Variants in KIF6 observed in about 807,000 individuals in gnomAD.
The protein encoded by KIF6 is kinesin-like protein KIF6.
Under a neutral mutation model 112.7 loss-of-function variants are expected in KIF6, and 106 were observed. The ratio of observed to expected loss-of-function variants is 0.94; its 90% CI spans 0.80 to 1.11. The LOEUF is 1.11. Among genes scored for constraint, KIF6 ranks in the 50% least tolerant of loss-of-function variants. The pLI is 0.00. For synonymous variants in KIF6, 339 were observed against 339.9 expected, an observed-to-expected ratio of 1.00 and a Z score of 0.03; for missense variants, 929 against 964.0, an observed-to-expected ratio of 0.96 and a Z score of 0.48.
chr6:39,634,729 C>G (rs62403326), intron 5 of KIF6, 120 bp downstream of exon 5: 1 of 711,418 alleles, frequency 1.4e-6, no homozygotes, highest in African/African-American at 1.8e-5. Flanking sequence ...CAAAAAGATA[C>G]GGTTATCCAG....
At chr6:39,478,074 G>A (rs1474915631) in intron 13 of KIF6, among the ~76,000 whole-genome samples, 4 of 151,810 alleles carry the variant, frequency 2.6e-5, no homozygotes, top group Admixed American at 6.6e-5. Flanking sequence ...GGTTTTTGGG[G>A]AACAGGTGGT....
chr6:39,616,456 G>A (rs1362171788), intron 5 of KIF6, among the ~76,000 whole-genome samples: 2 of 152,186 alleles, frequency 1.3e-5, no homozygotes, highest in Non-Finnish European at 2.9e-5. Flanking sequence ...TACAAAGGCA[G>A]GTTAGAGTTT....
chr6:39,390,859 G>A (rs115391698), intron 15 of KIF6, among the ~76,000 whole-genome samples: 7,274 of 152,210 alleles, frequency 0.048, 234 homozygotes, highest in Non-Finnish European at 0.075. Flanking sequence ...CTAACATGGA[G>A]GATCATGATA....
chr6:39,690,167 T>C (rs2113799914), intron 3 of KIF6: 1 of 152,328 alleles, frequency 6.6e-6, no homozygotes, highest in African/African-American at 2.4e-5. Flanking sequence ...TGATATAAAC[T>C]AAAATAATGC....
At chr6:39,449,335 A>G (rs561598164) in intron 13 of KIF6, among the ~76,000 whole-genome samples, 2 of 152,204 alleles carry the variant, frequency 1.3e-5, no homozygotes, top group East Asian at 3.9e-4. Context: ...CCCTGGCTAC[A>G]TCCCTCCCTC....
intron 19 of KIF6, chr6:39,353,888 C>A: frequency 1.8e-6 from 1 of 567,088 alleles, no homozygotes; most frequent in East Asian, 6.2e-5. Context: ...GTGCCAGTTC[C>A]TACTGCTAAG....
chr6:39,490,040 T>A (rs1295129920), intron 13 of KIF6, among the ~76,000 whole-genome samples: 1 of 152,226 alleles, frequency 6.6e-6, no homozygotes, highest in Admixed American at 6.5e-5. Flanking sequence ...ATTTGGCCTG[T>A]AGTATCTTTC....
At chr6:39,383,803 TTTGTTTGTG>T (rs2150311071) in intron 16 of KIF6, among the ~76,000 whole-genome samples, 1 of 152,264 alleles carries the variant, frequency 6.6e-6, no homozygotes, top group East Asian at 1.9e-4. Context: ...TGCTTTTCCA[TTTGTTTGTG>T]TTGTCTATGA....
intron 10 of KIF6, among the ~76,000 whole-genome samples, chr6:39,568,021 AG>A (rs1411573631): frequency 6.6e-6 from 1 of 152,220 alleles, no homozygotes; most frequent in Non-Finnish European, 1.5e-5. Context: ...CCTGAGCGCC[AG>A]GCAGAGTATT....
chr6:39,657,725 T>C (rs1785886576), intron 3 of KIF6, among the ~76,000 whole-genome samples: 1 of 152,164 alleles, frequency 6.6e-6, no homozygotes, highest in Non-Finnish European at 1.5e-5. Context: ...AGGAATTTGG[T>C]GGAAATAAGT....
intron 5 of KIF6, among the ~76,000 whole-genome samples, chr6:39,616,396 G>A (rs1486280930): frequency 6.6e-6 from 1 of 152,148 alleles, no homozygotes; most frequent in African/African-American, 2.4e-5. Flanking sequence ...AATATCATGT[G>A]TTCCTCACTT....
intron 13 of KIF6, among the ~76,000 whole-genome samples, chr6:39,441,104 G>T (rs758672491): frequency 5.3e-5 from 8 of 152,162 alleles, no homozygotes; most frequent in Non-Finnish European, 1.2e-4. Context: ...TTTGAAAGGT[G>T]CATGAAAGAC....
At chr6:39,546,601 G>A (rs529796255) in intron 10 of KIF6, among the ~76,000 whole-genome samples, 5 of 152,246 alleles carry the variant, frequency 3.3e-5, no homozygotes, top group East Asian at 3.9e-4. Context: ...CCAGGTGGGC[G>A]GATCACTTGA....
chr6:39,475,114 G>A (rs1242264226), intron 13 of KIF6, among the ~76,000 whole-genome samples: 2 of 152,206 alleles, frequency 1.3e-5, no homozygotes, highest in Admixed American at 6.5e-5. Context: ...CTGAGTCAAA[G>A]TCTTGGCTCC....
At chr6:39,652,388 G>A (rs148229913) in intron 3 of KIF6, among the ~76,000 whole-genome samples, 3 of 152,122 alleles carry the variant, frequency 2.0e-5, no homozygotes, top group African/African-American at 7.2e-5. Context: ...TTAGCCGGGC[G>A]TGGTGGCGTA....
At chr6:39,460,536 T>TAAAAAAAAAAAAAAAAAAA (rs759528125) in intron 13 of KIF6, among the ~76,000 whole-genome samples, 18 of 57,060 alleles carry the variant, frequency 3.2e-4, no homozygotes, top group Non-Finnish European at 3.8e-4. Flanking sequence ...AAAAAAAAAG[T>TAAAAAAAAAAAAAAAAAAA]AAAAAAAAAA....
At chr6:39,450,819 T>C (rs1489019169) in intron 13 of KIF6, among the ~76,000 whole-genome samples, 1 of 152,194 alleles carries the variant, frequency 6.6e-6, no homozygotes, top group Non-Finnish European at 1.5e-5. Flanking sequence ...CATTAATTAA[T>C]AAAAGAAGCA....
rs575111820 is a variant in KIF6 at position 39,508,587 on chromosome 6, G to C, written c.1645+31416C>G. ...CCGTGGCTGGCTCGGTGGGTCCCAT[G>C]CCCACAGAACCTTTCTCGCTGCTAG... On this transcript the variant is annotated intron_variant, in intron 13 of 22. Transcript: ENST00000287152. Among the ~76,000 whole-genome samples, 13 of 152,222 alleles carry C rather than the reference G, an allele frequency of 8.5e-5. No homozygotes were observed. The South Asian group carries it at 1.9e-3, about 22-fold the overall frequency.
intron 7 of KIF6, among the ~76,000 whole-genome samples, chr6:39,588,702 C>A (rs970423193): frequency 3.3e-5 from 5 of 152,154 alleles, no homozygotes; most frequent in African/African-American, 4.8e-5. Flanking sequence ...ATTATTAAGG[C>A]CCCAACATCA....
Sources: gnomAD v4.1 joint callset for allele counts (sites outside exome capture counted in the v4.1 genomes callset) on GRCh38, gnomAD v4.1.1 for gene constraint, MANE v1.5 for transcripts, NCBI Gene and HGNC (gene_info 2026-07-23, HGNC 2026-07-21) for gene names.